NXPH1: variants seen among roughly 807,000 people sequenced by gnomAD.
The protein encoded by NXPH1 is neurexophilin-1.
In NXPH1, 5 loss-of-function variants were observed where a neutral mutation model predicts 23.7. The observed-to-expected ratio is 0.21, with a 90% CI of 0.11 to 0.44. NXPH1 has a LOEUF of 0.44. NXPH1 is among the 20% of genes least tolerant of loss of function. NXPH1 has a pLI of 0.99. For synonymous variants in NXPH1, 144 were observed against 122.2 expected (o/e 1.18, Z -1.18); for missense variants, 324 against 321.6 (o/e 1.01, Z -0.06).
chr7:8,448,871 T>C (rs916273768), intron 2 of NXPH1, among the ~76,000 whole-genome samples: 1 of 151,376 alleles, frequency 6.6e-6, no homozygotes, highest in Admixed American at 6.6e-5. Context: ...AGCGAATTGT[T>C]TATGGAAATG....
intron 2 of NXPH1, among the ~76,000 whole-genome samples, chr7:8,732,046 C>T (rs896238688): frequency 1.2e-4 from 18 of 152,336 alleles, no homozygotes; most frequent in East Asian, 3.9e-4. Flanking sequence ...TCTCCTGGTG[C>T]GCCATTTTTT....
intron 2 of NXPH1, among the ~76,000 whole-genome samples, chr7:8,583,275 C>G (rs60671165): frequency 6.6e-6 from 1 of 152,194 alleles, no homozygotes; most frequent in African/African-American, 2.4e-5. Flanking sequence ...TAGGTAGACA[C>G]GCATTGTAAA....
chr7:8,692,123 G>GAGTAATTA (rs1821230740), intron 2 of NXPH1, among the ~76,000 whole-genome samples: 1 of 151,670 alleles, frequency 6.6e-6, no homozygotes, highest in African/African-American at 2.4e-5. Context: ...CTATGAGATG[G>GAGTAATTA]CAGGGAGGGC....
intron 2 of NXPH1, among the ~76,000 whole-genome samples, chr7:8,554,467 G>A (rs1300334356): frequency 6.6e-6 from 1 of 151,660 alleles, no homozygotes; most frequent in Non-Finnish European, 1.5e-5. Flanking sequence ...TTGGGTGTAT[G>A]TGAGTGGGTA....
intron 2 of NXPH1, among the ~76,000 whole-genome samples, chr7:8,688,548 G>C (rs1300948827): frequency 1.3e-5 from 2 of 152,190 alleles, no homozygotes; most frequent in Non-Finnish European, 2.9e-5. Context: ...AGAAGCAAAG[G>C]ATTACAGGTC....
At chr7:8,631,717 T>C (rs1820133537) in intron 2 of NXPH1, among the ~76,000 whole-genome samples, 2 of 152,334 alleles carry the variant, frequency 1.3e-5, no homozygotes, top group African/African-American at 4.8e-5. Flanking sequence ...CACTTGCAGG[T>C]GCTGTGGTCA....
chr7:8,644,822 T>C (rs1820369875), intron 2 of NXPH1, among the ~76,000 whole-genome samples: 1 of 152,204 alleles, frequency 6.6e-6, no homozygotes, highest in East Asian at 1.9e-4. Flanking sequence ...AACCACTCTC[T>C]TAAATTTTGT....
chr7:8,536,443 A>G (rs961849075), intron 2 of NXPH1, among the ~76,000 whole-genome samples: 7 of 152,044 alleles, frequency 4.6e-5, no homozygotes, highest in African/African-American at 1.7e-4. Context: ...GTACCATGTA[A>G]CAAACTCTGG....
chr7:8,487,618 C>G (rs932502230), intron 2 of NXPH1, among the ~76,000 whole-genome samples: 2 of 152,126 alleles, frequency 1.3e-5, no homozygotes, highest in African/African-American at 4.8e-5. Context: ...TGCATTGGTA[C>G]TGTATCTCTC....
intron 2 of NXPH1, among the ~76,000 whole-genome samples, chr7:8,562,039 C>G (rs548631166): frequency 2.0e-5 from 3 of 151,760 alleles, no homozygotes; most frequent in East Asian, 3.9e-4. Context: ...AATATCTATA[C>G]TGTTCCAGGC....
At chr7:8,644,184 A>G (rs80340588) in intron 2 of NXPH1, among the ~76,000 whole-genome samples, 7,197 of 152,178 alleles carry the variant, frequency 0.047, 369 homozygotes, top group East Asian at 0.17. Context: ...CTTTCTTTGG[A>G]AAGTAATTCT....
At chr7:8,664,169 G>A (rs1028498163) in intron 2 of NXPH1, among the ~76,000 whole-genome samples, 3 of 152,034 alleles carry the variant, frequency 2.0e-5, no homozygotes, top group African/African-American at 4.8e-5. Flanking sequence ...TAAAGAAAGC[G>A]AAGGGTAAGC....
intron 2 of NXPH1, among the ~76,000 whole-genome samples, chr7:8,725,662 G>A (rs1780039347): frequency 6.6e-6 from 1 of 152,136 alleles, no homozygotes; most frequent in East Asian, 1.9e-4. Context: ...GAAAGGGTGA[G>A]AGGTCTATTC....
chr7:8,524,742 T>C (rs1817836506), intron 2 of NXPH1, among the ~76,000 whole-genome samples: 1 of 152,166 alleles, frequency 6.6e-6, no homozygotes, highest in Non-Finnish European at 1.5e-5. Context: ...CTGATGGGTT[T>C]ATCAGGGGTT....
intron 2 of NXPH1, among the ~76,000 whole-genome samples, chr7:8,561,739 G>A (rs1173368481): frequency 6.6e-6 from 1 of 151,354 alleles, no homozygotes; most frequent in Admixed American, 6.6e-5. Context: ...GTTCTCAACA[G>A]GAAGAAAAGA....
chr7:8,558,680 T>A (rs1363497347), intron 2 of NXPH1, among the ~76,000 whole-genome samples: 1 of 151,678 alleles, frequency 6.6e-6, no homozygotes, highest in Non-Finnish European at 1.5e-5. Flanking sequence ...TCCTTTTATA[T>A]GATTGTTACT....
At chr7:8,648,786 T>A (rs1820437187) in intron 2 of NXPH1, among the ~76,000 whole-genome samples, 1 of 152,206 alleles carries the variant, frequency 6.6e-6, no homozygotes, top group Non-Finnish European at 1.5e-5. Context: ...TTGTATAATT[T>A]ATCAATTACT....
intron 2 of NXPH1, among the ~76,000 whole-genome samples, chr7:8,708,147 T>C (rs949751946): frequency 6.6e-6 from 1 of 152,144 alleles, no homozygotes; most frequent in Non-Finnish European, 1.5e-5. Flanking sequence ...CAAATCATGG[T>C]CTATAAAGAA....
At chr7:8,718,587 C>G (rs1023968686) in intron 2 of NXPH1, among the ~76,000 whole-genome samples, 4 of 152,176 alleles carry the variant, frequency 2.6e-5, no homozygotes, top group Non-Finnish European at 5.9e-5. Context: ...AGTTAAAAAT[C>G]TTTCTCAAAA....
Sources: allele counts gnomAD v4.1 joint callset (sites outside exome capture counted in the v4.1 genomes callset), GRCh38; gene constraint gnomAD v4.1.1; transcripts MANE v1.5; gene names NCBI Gene and HGNC (gene_info 2026-07-23, HGNC 2026-07-21).